The following GABRG3 variants were observed in gnomAD, a reference collection of about 807,000 sequenced individuals.
The protein encoded by GABRG3 is gamma-aminobutyric acid type A receptor subunit gamma3.
A neutral mutation model predicts 48.8 loss-of-function variants in GABRG3; 25 were observed. The observed-to-expected ratio is 0.51, with a 90% confidence interval of 0.37 to 0.72. GABRG3 has a LOEUF of 0.72. Among genes scored for constraint, GABRG3 ranks in the 30% least tolerant of loss-of-function variants. GABRG3 has a pLI of 0.00. For synonymous variants in GABRG3, 227 were observed against 217.6 expected (o/e 1.04, Z -0.38); for missense variants, 394 against 577.9 (o/e 0.68, Z 3.26).
chr15:27,053,700 T>C (rs1896492222), intron 3 of GABRG3, among the ~76,000 whole-genome samples: 1 of 152,074 alleles, frequency 6.6e-6, no homozygotes, highest in Non-Finnish European at 1.5e-5. Flanking sequence ...CTATTCACAA[T>C]AGCAAAGACA....
chr15:27,155,902 G>A (rs1162969246), intron 3 of GABRG3, among the ~76,000 whole-genome samples: 1 of 152,128 alleles, frequency 6.6e-6, no homozygotes, highest in African/African-American at 2.4e-5. Context: ...TTGTAGCCCA[G>A]TAAGGGTAGA....
At chr15:27,324,933 G>A (rs916154834) in intron 3 of GABRG3, among the ~76,000 whole-genome samples, 11 of 127,752 alleles carry the variant, frequency 8.6e-5, no homozygotes, top group African/African-American at 4.3e-4. Context: ...GAGGTTACTG[G>A]GTGGCAGCCT....
At chr15:27,134,702 C>T (rs1897977586) in intron 3 of GABRG3, among the ~76,000 whole-genome samples, 1 of 152,192 alleles carries the variant, frequency 6.6e-6, no homozygotes, top group Non-Finnish European at 1.5e-5. Flanking sequence ...TCACCTCCTC[C>T]AGGAAGCCCT....
intron 5 of GABRG3, among the ~76,000 whole-genome samples, chr15:27,376,850 T>C (rs1895614311): frequency 6.6e-6 from 1 of 152,184 alleles, no homozygotes; most frequent in Non-Finnish European, 1.5e-5. Flanking sequence ...GACTCCTCAT[T>C]ACTTATGCAA....
chr15:27,372,745 A>G (rs550959048), intron 5 of GABRG3, among the ~76,000 whole-genome samples: 45 of 152,248 alleles, frequency 3.0e-4, no homozygotes, highest in African/African-American at 1.0e-3. Flanking sequence ...TGCCTGTTTC[A>G]ATGGTCCAGC....
intron 3 of GABRG3, among the ~76,000 whole-genome samples, chr15:27,311,818 C>G (rs1386556043): frequency 6.6e-6 from 1 of 151,998 alleles, no homozygotes; most frequent in Non-Finnish European, 1.5e-5. Context: ...GTCCAAGAGG[C>G]TCCGAAAATC....
chr15:27,220,714 G>A (rs1312137543), intron 3 of GABRG3, among the ~76,000 whole-genome samples: 1 of 152,140 alleles, frequency 6.6e-6, no homozygotes, highest in Non-Finnish European at 1.5e-5. Context: ...AGTTCCTACT[G>A]TCTTCTTGCC....
intron 3 of GABRG3, among the ~76,000 whole-genome samples, chr15:27,139,525 G>A (rs1228384529): frequency 2.0e-5 from 3 of 152,102 alleles, no homozygotes; most frequent in Non-Finnish European, 4.4e-5. Context: ...ACACTCAGAA[G>A]GAATGCTTTC....
At chr15:27,377,196 T>C (rs374003158) in intron 5 of GABRG3, among the ~76,000 whole-genome samples, 237 of 152,336 alleles carry the variant, frequency 1.6e-3, no homozygotes, top group African/African-American at 5.3e-3. Context: ...CTGGACCTTA[T>C]TGTTCATATC....
intron 5 of GABRG3, among the ~76,000 whole-genome samples, chr15:27,429,030 T>C (rs4438262): frequency 0.49 from 74,560 of 152,060 alleles, 22,071 homozygotes; most frequent in African/African-American, 0.84. Flanking sequence ...GATATAGTTT[T>C]ATACATATAG....
intron 3 of GABRG3, among the ~76,000 whole-genome samples, chr15:27,107,523 A>AT (rs1357578290): frequency 6.6e-6 from 1 of 151,792 alleles, no homozygotes; most frequent in Non-Finnish European, 1.5e-5. Flanking sequence ...TTTATTTATT[A>AT]TTTTTGTTAT....
At chr15:27,227,645 C>CCTGCAAT in intron 3 of GABRG3, among the ~76,000 whole-genome samples, 1 of 152,072 alleles carries the variant, frequency 6.6e-6, no homozygotes, top group Middle Eastern at 3.4e-3. Context: ...TGTGATTGCA[C>CCTGCAAT]CTGCAATCTA....
intron 5 of GABRG3, among the ~76,000 whole-genome samples, chr15:27,445,585 C>A (rs955441622): frequency 6.6e-6 from 1 of 152,098 alleles, no homozygotes; most frequent in South Asian, 2.1e-4. Flanking sequence ...ATATAGAAGT[C>A]CCTTATCAGA....
intron 7 of GABRG3, among the ~76,000 whole-genome samples, chr15:27,526,802 C>A (rs573449682): frequency 6.6e-6 from 1 of 152,302 alleles, no homozygotes; most frequent in Non-Finnish European, 1.5e-5. Flanking sequence ...CTCAAATGTG[C>A]TAGCGTCTGT....
At chr15:27,090,461 A>G (rs1408392001) in intron 3 of GABRG3, among the ~76,000 whole-genome samples, 1 of 152,180 alleles carries the variant, frequency 6.6e-6, no homozygotes, top group Non-Finnish European at 1.5e-5. Context: ...AGAAACTGCC[A>G]AAGTGTTTTC....
At chr15:27,034,119 C>T (rs1280431293) in intron 3 of GABRG3, among the ~76,000 whole-genome samples, 1 of 152,230 alleles carries the variant, frequency 6.6e-6, no homozygotes, top group Non-Finnish European at 1.5e-5. Context: ...ATATGAAAAG[C>T]ATACACAACT....
rs546083353 is a variant in GABRG3 at position 27,384,839 on chromosome 15, A to G, written c.574+55951A>G. Among the ~76,000 whole-genome samples, 5 of 152,162 alleles carry G rather than the reference A, an allele frequency of 3.3e-5. No homozygotes were observed. In the South Asian group the frequency reaches 1.0e-3, roughly 32 times the overall value. ...GCCTAATAATAACTTTCCAATATAGATCTTATTTTTTTATCATACTACATC... is the reference window on the plus strand; with the variant it reads ...GCCTAATAATAACTTTCCAATATAGGTCTTATTTTTTTATCATACTACATC... On this transcript the variant is annotated intron_variant, in intron 5 of 9. Transcript: ENST00000615808.
intron 5 of GABRG3, among the ~76,000 whole-genome samples, chr15:27,354,317 A>G (rs1045067004): frequency 6.6e-6 from 1 of 152,232 alleles, no homozygotes; most frequent in Non-Finnish European, 1.5e-5. Context: ...CCTTCTCAGA[A>G]GAGCAGGATG....
At chr15:27,257,538 T>A (rs11858036) in intron 3 of GABRG3, among the ~76,000 whole-genome samples, 1 of 152,280 alleles carries the variant, frequency 6.6e-6, no homozygotes, top group Middle Eastern at 3.4e-3. Flanking sequence ...AAGATATTTC[T>A]GAGTTGATTT....
Sources: allele counts gnomAD v4.1 joint callset (sites outside exome capture counted in the v4.1 genomes callset), GRCh38; gene constraint gnomAD v4.1.1; transcripts MANE v1.5; gene names NCBI Gene and HGNC (gene_info 2026-07-23, HGNC 2026-07-21).